RANBP17: variants seen among roughly 807,000 people sequenced by gnomAD.
The protein encoded by RANBP17 is RAN binding protein 17.
RANBP17 carries 158 observed loss-of-function variants against 141.2 expected under a neutral mutation model. The ratio of observed to expected loss-of-function variants is 1.12; its 90% confidence interval spans 0.98 to 1.28. RANBP17 has a LOEUF of 1.28. RANBP17 is among the 50% of genes most tolerant of loss of function. The pLI is 0.00. For synonymous variants in RANBP17, 430 were observed against 450.0 expected (o/e 0.96, Z 0.56); for missense variants, 1,438 against 1,290.7 (o/e 1.11, Z -1.75).
intron 3 of RANBP17, among the ~76,000 whole-genome samples, chr5:170,888,992 T>C (rs571335430): frequency 6.6e-6 from 1 of 152,222 alleles, no homozygotes; most frequent in Admixed American, 6.5e-5. Flanking sequence ...TTTCTTTAGC[T>C]TATTGATGTG....
chr5:171,265,882 A>G, intron 25 of RANBP17, 35 bp downstream of exon 25: 4 of 1,600,376 alleles, frequency 2.5e-6, no homozygotes, highest in Non-Finnish European at 3.4e-6. Flanking sequence ...TTAAGAAACA[A>G]GTGTTCCCAG....
At chr5:170,940,465 T>A (rs9313529) in intron 12 of RANBP17, among the ~76,000 whole-genome samples, 5 of 151,918 alleles carry the variant, frequency 3.3e-5, no homozygotes, top group African/African-American at 1.2e-4. Flanking sequence ...CACCCAGGCA[T>A]GCAAATATTC....
chr5:170,862,532 G>C (rs979961766), intron 1 of RANBP17, among the ~76,000 whole-genome samples: 13 of 152,346 alleles, frequency 8.5e-5, no homozygotes, highest in Admixed American at 5.9e-4. Context: ...CGGAGCGGGG[G>C]CTTGGGATCC....
At chr5:171,163,892 G>A (rs1334657710) in intron 14 of RANBP17, among the ~76,000 whole-genome samples, 3 of 152,110 alleles carry the variant, frequency 2.0e-5, no homozygotes, top group Non-Finnish European at 4.4e-5. Flanking sequence ...CATTGAGCCT[G>A]CTTAAACAAT....
intron 14 of RANBP17, among the ~76,000 whole-genome samples, chr5:171,011,058 A>G (rs1056532144): frequency 7.2e-5 from 11 of 152,126 alleles, no homozygotes; most frequent in African/African-American, 2.7e-4. Flanking sequence ...TTCTTTTATG[A>G]GTCTAATCTA....
chr5:170,924,681 A>T, intron 12 of RANBP17, 131 bp downstream of exon 12: 2 of 571,282 alleles, frequency 3.5e-6, no homozygotes, highest in South Asian at 3.8e-5. Context: ...TAAACCATTA[A>T]TTTTATTAAC....
intron 14 of RANBP17, among the ~76,000 whole-genome samples, chr5:170,995,679 C>A (rs1201193729): frequency 6.6e-6 from 1 of 152,102 alleles, no homozygotes; most frequent in East Asian, 1.9e-4. Context: ...AAGTTTTGTT[C>A]TTTACCCCAT....
At chr5:171,140,172 A>G (rs367952229) in intron 14 of RANBP17, among the ~76,000 whole-genome samples, 5 of 152,120 alleles carry the variant, frequency 3.3e-5, no homozygotes, top group Non-Finnish European at 7.4e-5. Context: ...ATCTTTTTCT[A>G]TACTTTCACA....
intron 14 of RANBP17, among the ~76,000 whole-genome samples, chr5:171,160,311 A>G (rs2127854632): frequency 6.6e-6 from 1 of 152,248 alleles, no homozygotes; most frequent in East Asian, 1.9e-4. Flanking sequence ...CCCTCTAACT[A>G]CTACTAAAGC....
At chr5:171,016,163 T>G in intron 14 of RANBP17, among the ~76,000 whole-genome samples, 1 of 151,650 alleles carries the variant, frequency 6.6e-6, no homozygotes, top group Non-Finnish European at 1.5e-5. Context: ...GTCCTGTTTC[T>G]TAGGGATCAC....
At chr5:171,133,342 T>TTAA (rs774394157) in intron 14 of RANBP17, among the ~76,000 whole-genome samples, 6 of 152,216 alleles carry the variant, frequency 3.9e-5, no homozygotes, top group Non-Finnish European at 8.8e-5. Flanking sequence ...ACTATTATAG[T>TTAA]TAATAGTTAA....
intron 3 of RANBP17, among the ~76,000 whole-genome samples, chr5:170,883,056 A>T (rs1768847677): frequency 6.6e-6 from 1 of 152,196 alleles, no homozygotes; most frequent in South Asian, 2.1e-4. Context: ...TCACAATGAT[A>T]CCTTGTTTTC....
intron 14 of RANBP17, among the ~76,000 whole-genome samples, chr5:171,006,468 C>T (rs1442422658): frequency 6.6e-6 from 1 of 152,058 alleles, no homozygotes; most frequent in Non-Finnish European, 1.5e-5. Flanking sequence ...AAGCTGGAAA[C>T]CATCATTCTC....
chr5:170,881,091 A>G (rs986625438), intron 2 of RANBP17, among the ~76,000 whole-genome samples: 7 of 98,364 alleles, frequency 7.1e-5, no homozygotes, highest in African/African-American at 2.2e-4. Flanking sequence ...TTTTTCTGTC[A>G]CAAAATATTG....
At chr5:170,928,568 A>C (rs1773107158) in intron 12 of RANBP17, among the ~76,000 whole-genome samples, 1 of 152,072 alleles carries the variant, frequency 6.6e-6, no homozygotes, top group South Asian at 2.1e-4. Context: ...CACCATTTGT[A>C]GAAAAGAATA....
chr5:171,024,000 A>G (rs1781064972), intron 14 of RANBP17, among the ~76,000 whole-genome samples: 1 of 152,296 alleles, frequency 6.6e-6, no homozygotes, highest in Non-Finnish European at 1.5e-5. Flanking sequence ...CTAGAATAAC[A>G]TGTTCTTTAT....
chr5:171,137,754 C>G (rs1260967092), intron 14 of RANBP17, among the ~76,000 whole-genome samples: 2 of 151,882 alleles, frequency 1.3e-5, no homozygotes, highest in Non-Finnish European at 2.9e-5. Flanking sequence ...TTATAATCTG[C>G]TTTCATGAAT....
At chr5:171,286,174 G>A (rs1768159602) in intron 25 of RANBP17, among the ~76,000 whole-genome samples, 1 of 152,188 alleles carries the variant, frequency 6.6e-6, no homozygotes, top group Non-Finnish European at 1.5e-5. Context: ...CAGAGTGGGG[G>A]ATGCTTTTAG....
intron 2 of RANBP17, among the ~76,000 whole-genome samples, chr5:170,879,057 T>C (rs1768435007): frequency 6.6e-6 from 1 of 152,178 alleles, no homozygotes; most frequent in Non-Finnish European, 1.5e-5. Context: ...ATAACATTTT[T>C]CTATTAATAA....
Sources: allele counts gnomAD v4.1 joint callset (sites outside exome capture counted in the v4.1 genomes callset), GRCh38; gene constraint gnomAD v4.1.1; transcripts MANE v1.5; gene names NCBI Gene and HGNC (gene_info 2026-07-23, HGNC 2026-07-21).